EYA4: variants seen among roughly 807,000 people sequenced by gnomAD.
The protein encoded by EYA4 is protein phosphatase EYA4.
A neutral mutation model predicts 87.9 loss-of-function variants in EYA4; 31 were observed. That is an observed-to-expected ratio of 0.35 (90% CI 0.27 to 0.48). EYA4 has a LOEUF of 0.48. Among genes scored for constraint, EYA4 ranks in the 20% least tolerant of loss-of-function variants. The probability of loss-of-function intolerance (pLI) is 0.99; values close to 1 mark genes in which losing one functional copy is unlikely to be tolerated. For synonymous variants in EYA4, 263 were observed against 270.6 expected (o/e 0.97, Z 0.28); for missense variants, 678 against 761.4 (o/e 0.89, Z 1.29).
chr6:133,362,580 G>A (rs755927688), intron 2 of EYA4, among the ~76,000 whole-genome samples: 1 of 152,166 alleles, frequency 6.6e-6, no homozygotes, highest in Non-Finnish European at 1.5e-5. Flanking sequence ...CGCAGGTCAA[G>A]CCCAAATCAG....
At chr6:133,313,916 G>A (rs1780430583) in intron 2 of EYA4, among the ~76,000 whole-genome samples, 2 of 152,066 alleles carry the variant, frequency 1.3e-5, no homozygotes, top group African/African-American at 4.8e-5. Context: ...GAGAGAGGCT[G>A]TGCATTGACT....
chr6:133,479,007 G>C (rs1391650836), intron 11 of EYA4, among the ~76,000 whole-genome samples: 1 of 152,084 alleles, frequency 6.6e-6, no homozygotes, highest in Non-Finnish European at 1.5e-5. Context: ...CCTGAAAATT[G>C]ATCTATAATG....
At chr6:133,459,772 T>G (rs1429415627) in intron 6 of EYA4, among the ~76,000 whole-genome samples, 1 of 152,086 alleles carries the variant, frequency 6.6e-6, no homozygotes, top group Non-Finnish European at 1.5e-5. Flanking sequence ...AATAGTTTAT[T>G]GGTCAATTTA....
rs183496818 is a variant in EYA4 at position 133,442,204 on chromosome 6, G to C, written c.84-4426G>C. Among the ~76,000 whole-genome samples the C allele has an allele frequency of 7.2e-5, 11 of 151,996 alleles. No homozygotes were observed. The East Asian group carries it at 2.1e-3, about 29-fold the overall frequency. Reference sequence around the variant, plus strand: ...GTCATATTTTTCTGCTTTTTGTTAGGTCACAAAATATTTATAATGTTCTGA... The same window carrying C: ...GTCATATTTTTCTGCTTTTTGTTAGCTCACAAAATATTTATAATGTTCTGA... On this transcript the variant is annotated intron_variant, in intron 3 of 19. Coordinates refer to ENST00000355286, the MANE Select transcript of EYA4 (RefSeq NM_004100.5).
intron 3 of EYA4, among the ~76,000 whole-genome samples, chr6:133,411,591 T>A (rs56241016): frequency 0.028 from 4,191 of 152,286 alleles, 97 homozygotes; most frequent in Middle Eastern, 0.048. Flanking sequence ...GGTCTTTTTT[T>A]AATTTTTGTT....
intron 3 of EYA4, among the ~76,000 whole-genome samples, chr6:133,441,116 G>GT (rs1425374023): frequency 6.6e-6 from 1 of 151,772 alleles, no homozygotes; most frequent in Non-Finnish European, 1.5e-5. Flanking sequence ...TCTTTCTCCT[G>GT]TTTTTTTGAT....
chr6:133,256,579 G>A (rs1775356963), intron 1 of EYA4, among the ~76,000 whole-genome samples: 1 of 151,976 alleles, frequency 6.6e-6, no homozygotes, highest in Admixed American at 6.5e-5. Context: ...TAAATGTGTT[G>A]ATAAATATTA....
intron 2 of EYA4, among the ~76,000 whole-genome samples, chr6:133,299,477 C>T (rs1006641940): frequency 4.0e-5 from 6 of 151,702 alleles, no homozygotes; most frequent in African/African-American, 1.5e-4. Flanking sequence ...TTTGGGAGGC[C>T]GAGGTGGGTG....
Position 133,470,563 on chromosome 6 carries a change from T to A in EYA4, c.970+1832T>A, listed in dbSNP as rs1433411820. 4.7e-5 allele frequency among the ~76,000 whole-genome samples: 2 copies of A among 42,914 alleles called. 1 individual carries two copies. Among genetic ancestry groups the A allele is most frequent in the Non-Finnish European group, 8.0e-5 (2 of 24,982 alleles). The allele number at this position is 42,914 out of a possible 152,430, so 28.2% of individuals were successfully genotyped here. On this transcript the variant is annotated intron_variant, in intron 11 of 19. Coordinates refer to ENST00000355286, the MANE Select transcript of EYA4 (RefSeq NM_004100.5). ...TTGTTCTTTTGGCTTAGGAGTGACT[T>A]GGCAATGCGGGCTCTTTTTTGGTTC...
In EYA4 at chr6:133,342,573, C is replaced by CCATATA. The variant is rs1349603035; in HGVS notation, c.34-39818_34-39813dup. On this transcript the variant is annotated intron_variant, in intron 2 of 19. Coordinates refer to ENST00000355286, the MANE Select transcript of EYA4 (RefSeq NM_004100.5). ...GCCATCCAGTTTAAGGTACACACTG[C>CCATATA]CATATATATATATATATATATATAT... Among the ~76,000 whole-genome samples, 55 of 26,800 alleles carry CCATATA rather than the reference C, an allele frequency of 2.1e-3. 1 individual carries two copies. Among genetic ancestry groups the CCATATA allele is most frequent in the African/African-American group, 6.2e-4 (2 of 3,212 alleles). The allele number at this position is 26,800 out of a possible 152,430, so 17.6% of individuals were successfully genotyped here. A position where few individuals can be genotyped will look rare whatever the true frequency, so the allele number is the denominator to read the frequency against.
At chr6:133,389,706 C>A (rs1787087813) in intron 3 of EYA4, among the ~76,000 whole-genome samples, 1 of 152,154 alleles carries the variant, frequency 6.6e-6, no homozygotes, top group Admixed American at 6.5e-5. Flanking sequence ...ATAAATAATT[C>A]TCTCAGTTGT....
chr6:133,427,835 C>G lies in EYA4; in HGVS notation c.84-18795C>G, dbSNP rs114496389. Among the ~76,000 whole-genome samples, 863 of 152,242 alleles carry G rather than the reference C, an allele frequency of 5.7e-3. 5 individuals carry two copies. The highest frequency in any genetic ancestry group is 0.019 in the African/African-American group (783 of 41,542). ...TCAAGGTTCAGTTATAAAGCACCTACTACTTGGTATATACCTAGGGCTGAG... is the reference window on the plus strand; with the variant it reads ...TCAAGGTTCAGTTATAAAGCACCTAGTACTTGGTATATACCTAGGGCTGAG... On this transcript the variant is annotated intron_variant, in intron 3 of 19. Coordinates refer to ENST00000355286, the MANE Select transcript of EYA4 (RefSeq NM_004100.5).
intron 3 of EYA4, among the ~76,000 whole-genome samples, chr6:133,414,775 T>C (rs211594): frequency 0.85 from 129,935 of 152,174 alleles, 55,911 homozygotes; most frequent in South Asian, 0.93. Context: ...TTTTATTTAG[T>C]TCTTTTTAGT....
chr6:133,368,986 T>A (rs1254887507), intron 2 of EYA4, among the ~76,000 whole-genome samples: 1 of 152,120 alleles, frequency 6.6e-6, no homozygotes, highest in Non-Finnish European at 1.5e-5. Flanking sequence ...TTCCTGTACG[T>A]CACTGTATCA....
At chr6:133,468,361 A>G (rs1293875375) in intron 10 of EYA4, among the ~76,000 whole-genome samples, 1 of 152,062 alleles carries the variant, frequency 6.6e-6, no homozygotes, top group Non-Finnish European at 1.5e-5. Flanking sequence ...TGGTTTGCCA[A>G]AACAATAGGG....
chr6:133,250,878 T>C (rs1774841815), intron 1 of EYA4, among the ~76,000 whole-genome samples: 1 of 152,202 alleles, frequency 6.6e-6, no homozygotes, highest in Admixed American at 6.5e-5. Context: ...GTTATTACTA[T>C]GATTGGGTAT....
intron 2 of EYA4, among the ~76,000 whole-genome samples, chr6:133,326,286 T>C (rs1168579612): frequency 6.6e-6 from 1 of 152,202 alleles, no homozygotes. Flanking sequence ...GATAGATAGA[T>C]AGTTTGATAA....
rs1005575118 is a variant in EYA4, at chr6:133,481,476, C to A, written c.984C>A (p.Thr328=). 2.5e-6 allele frequency: 4 copies of A among 1,613,570 alleles called. No homozygotes were observed. The African/African-American group carries it at 5.3e-5, about 22-fold the overall frequency. The change falls in exon 12 of 20, where the codon ACC becomes ACA. Residue 328 remains threonine (T), a synonymous_variant. Coordinates refer to ENST00000355286, the MANE Select transcript of EYA4 (RefSeq NM_004100.5). ...GLTNQPGEFD[T]MQSPSTPIKD... ...TGTTATCTATAGGAGAGTTCGATAC[C>A]ATGCAGAGTCCCTCCACACCCATCA...
At chr6:133,436,642 A>C (rs1791709110) in intron 3 of EYA4, among the ~76,000 whole-genome samples, 1 of 152,216 alleles carries the variant, frequency 6.6e-6, no homozygotes, top group South Asian at 2.1e-4. Context: ...GGAAGAAAAA[A>C]TTATGAGCAA....
Sources: gnomAD v4.1 joint callset for allele counts (sites outside exome capture counted in the v4.1 genomes callset) on GRCh38, gnomAD v4.1.1 for gene constraint, MANE v1.5 for transcripts, NCBI Gene and HGNC (gene_info 2026-07-23, HGNC 2026-07-21) for gene names.